Variants in ZFYVE26 observed in about 807,000 individuals in gnomAD.
The protein encoded by ZFYVE26 is zinc finger FYVE domain-containing protein 26.
ZFYVE26 carries 181 observed loss-of-function variants against 276.5 expected under a neutral mutation model. The ratio of observed to expected loss-of-function variants is 0.65; its 90% CI spans 0.58 to 0.74. ZFYVE26 has a LOEUF of 0.74. ZFYVE26 is among the 30% of genes least tolerant of loss of function. The pLI is 0.00. For synonymous variants in ZFYVE26, 1,129 were observed against 1,203.1 expected (o/e 0.94, Z 1.27); for missense variants, 2,821 against 3,097.9 (o/e 0.91, Z 2.12).
Position 67,778,063 on chromosome 14 carries a change from A to G in ZFYVE26, c.4797+63T>C, listed in dbSNP as rs757095047. The stretch of plus-strand genomic sequence containing the variant: ...TGGGATTCAACATGAAAATAAAGCC[A>G]TCTGATTTGACTAAACTTCTTGTCC... On this transcript the variant is annotated intron_variant, in intron 24 of 41. Transcript: ENST00000347230. 343 of 1,608,870 alleles carry G rather than the reference A, an allele frequency of 2.1e-4. 1 individual carries two copies. The highest frequency in any genetic ancestry group is 1.4e-3 in the Admixed American group (86 of 59,920).
At position 67,811,634 on chromosome 14, in the gene ZFYVE26, T is replaced by TTA. The variant is rs562457679; in HGVS notation, c.274-2347_274-2346dup. Among the ~76,000 whole-genome samples, 14 of 151,766 alleles carry TTA rather than the reference T, an allele frequency of 9.2e-5. No individual in the cohort carries two copies. The South Asian group carries it at 2.3e-3, about 25-fold the overall frequency. ...ATACAAATAAGTAAACTAAAATATG[T>TTA]TATATATATATAAAACATATGTATG... On this transcript the variant is annotated intron_variant, in intron 3 of 41. Coordinates refer to ENST00000347230, the MANE Select transcript of ZFYVE26 (RefSeq NM_015346.4).
At chr14:67,769,855 C>A (rs2039160444) in intron 28 of ZFYVE26, 125 bp from the exon 29 acceptor site, 1 of 1,339,018 alleles carries the variant, frequency 7.5e-7, no homozygotes, top group East Asian at 2.4e-5. Flanking sequence ...CTGCTTGGGT[C>A]TCTATTGGAA....
In ZFYVE26 at chr14:67,790,635, T is replaced by A. The variant is rs17192170; in HGVS notation, c.2692A>T (p.Thr898Ser). The A allele has an allele frequency of 0.12, 185,645 of 1,614,134 alleles. 11,951 individuals are homozygous for A. Among genetic ancestry groups the A allele is most frequent in the Non-Finnish European group, 0.13 (156,006 of 1,179,994 alleles). Residue 898 changes from threonine (T) to serine (S), a missense_variant, in exon 15 of 42, where the codon ACC becomes TCC. By Grantham distance (58) the Thr-to-Ser change is moderately conservative. Transcript: ENST00000347230. ...CGGCCACTGCCAGTTCTCCGAATGG[T>A]GCTGCTACCCGCATCTGAGTTCTGG... ...ENQNSDAGSS[T>S]IRRTGSGRST... is the part of the protein sequence containing the mutation.
intron 25 of ZFYVE26, among the ~76,000 whole-genome samples, chr14:67,777,308 T>C (rs1307255443): frequency 6.6e-6 from 1 of 152,184 alleles, no homozygotes; most frequent in African/African-American, 2.4e-5. Context: ...GAATTCCCTA[T>C]GGAGGCAGGA....
chr14:67,735,601 A>C (rs1347349750), intron 13 of ZFYVE26, among the ~76,000 whole-genome samples: 1 of 152,166 alleles, frequency 6.6e-6, no homozygotes, highest in East Asian at 1.9e-4. Flanking sequence ...AGTGCCCCTC[A>C]ACATACAGGA....
In ZFYVE26 at chr14:67,781,649, C is replaced by G. The variant is rs192142234; in HGVS notation, c.4373-120G>C. ...TCGTAAAAGAGGAGCTTGGAGGATC[C>G]TTAAGATGGATGTGATCTTAACTAG... On this transcript the variant is annotated intron_variant, in intron 21 of 41. Transcript: ENST00000347230. 1.9e-4 allele frequency: 173 copies of G among 898,774 alleles called. 1 individual carries two copies. The East Asian group carries it at 4.2e-3, about 22-fold the overall frequency. The allele number at this position is 898,774 out of a possible 1,614,324, so 55.7% of individuals were successfully genotyped here.
chr14:67,814,541 A>G (rs938796505), intron 2 of ZFYVE26, among the ~76,000 whole-genome samples: 3 of 152,022 alleles, frequency 2.0e-5, no homozygotes, highest in Admixed American at 6.5e-5. Context: ...ACAAACAAAC[A>G]AACAAACAAA....
chr14:67,802,176 G>A lies in ZFYVE26; in HGVS notation c.1542C>T (p.Asn514=), dbSNP rs766790717. 1.2e-6 allele frequency: 2 copies of A among 1,614,194 alleles called. No individual in the cohort carries two copies. Among genetic ancestry groups the A allele is most frequent in the Non-Finnish European group, 1.7e-6 (2 of 1,180,048 alleles). The stretch of plus-strand genomic sequence containing the variant: ...CCTGGCACTGGGAGTGCTGGTGTGA[G>A]TTTACACAGAGGGCATAGATGGCAT... The part of the protein sequence containing the change: ...MKYAIYALCV[N]SHQHSQCQDC... Residue 514 remains asparagine (N), a synonymous_variant, in exon 10 of 42, where the codon AAC becomes AAT. Transcript: ENST00000347230.
At chr14:67,790,408 C>CAG (rs2039779342) in intron 15 of ZFYVE26, among the ~76,000 whole-genome samples, 164 bp downstream of exon 15, 1 of 152,194 alleles carries the variant, frequency 6.6e-6, no homozygotes. Context: ...AGGATGGGCA[C>CAG]AGCTGGAAAA....
At chr14:67,812,012 T>G (rs2040312992) in intron 3 of ZFYVE26, among the ~76,000 whole-genome samples, 1 of 151,048 alleles carries the variant, frequency 6.6e-6, no homozygotes, top group African/African-American at 2.4e-5. Flanking sequence ...AGAACAATTA[T>G]GAAAACTGTG....
chr14:67,805,339 C>G (rs1423680885), intron 7 of ZFYVE26, 34 bp from the exon 8 acceptor site: 1 of 1,613,774 alleles, frequency 6.2e-7, no homozygotes, highest in Non-Finnish European at 8.5e-7. Context: ...GAGATGCTGA[C>G]TCAGGCACCT....
chr14:67,729,624 A>G (rs2038241382), exon 14 of ZFYVE26: 1 of 622,928 alleles, frequency 1.6e-6, no homozygotes, highest in Admixed American at 2.6e-5. Context: ...AAAACTTTGC[A>G]GCTTTCTGAA....
chr14:67,758,149 T>C (rs1347467436), intron 35 of ZFYVE26, among the ~76,000 whole-genome samples: 1 of 152,192 alleles, frequency 6.6e-6, no homozygotes, highest in East Asian at 1.9e-4. Flanking sequence ...GTCACAGTGG[T>C]ATAACATGCT....
intron 3 of ZFYVE26, among the ~76,000 whole-genome samples, chr14:67,813,453 T>C (rs369674819): frequency 2.0e-5 from 3 of 152,234 alleles, no homozygotes; most frequent in East Asian, 3.9e-4. Flanking sequence ...TGGAAGTTTA[T>C]CTTTAAAAAA....
intron 40 of ZFYVE26, chr14:67,751,611 C>T (rs1475533618): frequency 3.0e-5 from 6 of 197,348 alleles, no homozygotes; most frequent in South Asian, 8.9e-5. Context: ...CAGTGGCTCA[C>T]GCCTGTAATC....
chr14:67,731,455 TC>T (rs2038273952), intron 13 of ZFYVE26, among the ~76,000 whole-genome samples: 1 of 151,986 alleles, frequency 6.6e-6, no homozygotes, highest in East Asian at 1.9e-4. Context: ...CCTCAAGTGA[TC>T]CGCCCACCTC....
chr14:67,809,348 A>G (rs1050589146), intron 3 of ZFYVE26, 59 bp from the exon 4 acceptor site: 34 of 1,239,916 alleles, frequency 2.7e-5, no homozygotes, highest in Non-Finnish European at 3.8e-5. Context: ...TTAACAAATT[A>G]TAATTAAATA....
In ZFYVE26 at chr14:67,751,055, G is replaced by A. The variant is rs769245111; in HGVS notation, c.7413C>T (p.Asn2471=). The change falls in exon 41 of 42, where the codon AAC becomes AAT. Residue 2471 remains asparagine, a synonymous_variant. Transcript: ENST00000347230. The stretch of plus-strand genomic sequence containing the variant: ...GTTTGGAGACAATTCCGCTCACCTT[G>A]TTGTCATCATTGTGTATTGCCTGGA... ...GLIQAIHNDD[N]KVRAYLICCK... The A allele has an allele frequency of 1.4e-5, 23 of 1,614,076 alleles. No individual in the cohort carries two copies. Among genetic ancestry groups the A allele is most frequent in the East Asian group, 6.7e-5 (3 of 44,898 alleles).
At chr14:67,740,782 C>T (rs1189419793) in intron 13 of ZFYVE26, among the ~76,000 whole-genome samples, 2 of 152,096 alleles carry the variant, frequency 1.3e-5, no homozygotes, top group Non-Finnish European at 2.9e-5. Context: ...GTGGCAGGCG[C>T]CTGTAATCCC....
Sources: allele counts gnomAD v4.1 joint callset (sites outside exome capture counted in the v4.1 genomes callset), GRCh38; gene constraint gnomAD v4.1.1; transcripts MANE v1.5; gene names NCBI Gene and HGNC (gene_info 2026-07-23, HGNC 2026-07-21).